The following ADAMTSL1 variants were observed in gnomAD, a reference collection of about 807,000 sequenced individuals.
ADAMTSL1 encodes the protein ADAMTS-like protein 1.
Under a neutral mutation model 201.8 loss-of-function variants are expected in ADAMTSL1, and 126 were observed. The ratio of observed to expected loss-of-function variants is 0.62; its 90% confidence interval spans 0.54 to 0.72. The LOEUF (loss-of-function observed/expected upper bound fraction) is 0.72, where lower values mean the gene tolerates loss of function less well. ADAMTSL1 is among the 30% of genes least tolerant of loss of function. The probability of loss-of-function intolerance (pLI) is 0.00; values close to 1 mark genes in which losing one functional copy is unlikely to be tolerated. For synonymous variants in ADAMTSL1, 1,121 were observed against 903.4 expected (o/e 1.24, Z -4.32); for missense variants, 2,679 against 2,277.8 (o/e 1.18, Z -3.59).
At chr9:18,181,154 T>A (rs1228182414) in intron 2 of ADAMTSL1, among the ~76,000 whole-genome samples, 1 of 152,154 alleles carries the variant, frequency 6.6e-6, no homozygotes. Context: ...ATTAAAGACT[T>A]AAATGTTAGA....
intron 25 of ADAMTSL1, among the ~76,000 whole-genome samples, chr9:18,891,363 A>G (rs772876478): frequency 8.8e-5 from 13 of 148,070 alleles, no homozygotes; most frequent in Non-Finnish European, 1.6e-4. Context: ...TTTCTCCATC[A>G]CTAAAACCAA....
At chr9:18,737,975 G>A (rs1818614702) in intron 15 of ADAMTSL1, among the ~76,000 whole-genome samples, 1 of 152,130 alleles carries the variant, frequency 6.6e-6, no homozygotes, top group African/African-American at 2.4e-5. Context: ...GTCCTCATTT[G>A]CTTATCTATA....
chr9:18,183,418 A>T (rs1309449764), intron 2 of ADAMTSL1, among the ~76,000 whole-genome samples: 2 of 152,204 alleles, frequency 1.3e-5, no homozygotes, highest in Non-Finnish European at 2.9e-5. Context: ...GTAAAAGATA[A>T]TGTCAAGATA....
At chr9:18,238,075 A>G (rs1231071701) in intron 2 of ADAMTSL1, among the ~76,000 whole-genome samples, 1 of 152,196 alleles carries the variant, frequency 6.6e-6, no homozygotes, top group African/African-American at 2.4e-5. Flanking sequence ...TCTCTTAAGA[A>G]AGCCACTTTT....
At chr9:18,343,034 GT>G (rs570325309) in intron 2 of ADAMTSL1, among the ~76,000 whole-genome samples, 21 of 145,608 alleles carry the variant, frequency 1.4e-4, no homozygotes, top group East Asian at 4.0e-4. Flanking sequence ...TTTTTGTTTT[GT>G]TTTTTTTTTG....
chr9:18,797,165 C>T (rs1461210421), intron 20 of ADAMTSL1, among the ~76,000 whole-genome samples: 1 of 152,200 alleles, frequency 6.6e-6, no homozygotes, highest in Non-Finnish European at 1.5e-5. Context: ...GAGGGGCTGC[C>T]TGGTGAAGTA....
chr9:18,247,014 A>G (rs1430311633), intron 2 of ADAMTSL1, among the ~76,000 whole-genome samples: 1 of 152,186 alleles, frequency 6.6e-6, no homozygotes, highest in Non-Finnish European at 1.5e-5. Context: ...TACATTTTCT[A>G]CAGAATCTAG....
chr9:18,676,025 G>C, intron 10 of ADAMTSL1, 118 bp downstream of exon 10: 9 of 1,021,404 alleles, frequency 8.8e-6, no homozygotes, highest in Non-Finnish European at 1.3e-5. Flanking sequence ...TAAGATGGTA[G>C]ATGGTATATT....
At chr9:18,598,242 AT>A in intron 4 of ADAMTSL1, among the ~76,000 whole-genome samples, 1 of 152,244 alleles carries the variant, frequency 6.6e-6, no homozygotes, top group African/African-American at 2.4e-5. Flanking sequence ...GTTTTATTTT[AT>A]TTTATATGAA....
At chr9:18,010,933 ATTAT>A (rs1456063326) in intron 1 of ADAMTSL1, among the ~76,000 whole-genome samples, 3 of 152,008 alleles carry the variant, frequency 2.0e-5, no homozygotes, top group East Asian at 3.9e-4. Context: ...TAATTATAGA[ATTAT>A]TTTTTATTTG....
intron 2 of ADAMTSL1, among the ~76,000 whole-genome samples, chr9:18,424,181 A>T (rs1421856163): frequency 6.6e-6 from 1 of 152,252 alleles, no homozygotes; most frequent in Non-Finnish European, 1.5e-5. Flanking sequence ...GTAGACAAGA[A>T]GCTGAACTAT....
At chr9:17,954,060 G>T (rs1439433011) in intron 1 of ADAMTSL1, among the ~76,000 whole-genome samples, 2 of 151,778 alleles carry the variant, frequency 1.3e-5, no homozygotes, top group African/African-American at 2.4e-5. Context: ...AAGGTCTGGG[G>T]CTGGCTGAGG....
intron 23 of ADAMTSL1, among the ~76,000 whole-genome samples, chr9:18,885,905 T>A (rs1215986741): frequency 6.6e-6 from 1 of 152,028 alleles, no homozygotes; most frequent in Non-Finnish European, 1.5e-5. Context: ...TCTAGGCCTC[T>A]GTTTCTTCCT....
At chr9:18,098,462 T>C (rs1488103226) in intron 1 of ADAMTSL1, among the ~76,000 whole-genome samples, 1 of 152,230 alleles carries the variant, frequency 6.6e-6, no homozygotes, top group African/African-American at 2.4e-5. Flanking sequence ...GAGAACTCTT[T>C]TGTTAAATTT....
At chr9:17,944,573 G>T (rs1373027921) in intron 1 of ADAMTSL1, among the ~76,000 whole-genome samples, 1 of 148,718 alleles carries the variant, frequency 6.7e-6, no homozygotes, top group South Asian at 2.2e-4. Context: ...TATACTACAA[G>T]GCTACAGTAA....
chr9:18,026,969 C>T (rs911863375), intron 1 of ADAMTSL1, among the ~76,000 whole-genome samples: 1 of 151,988 alleles, frequency 6.6e-6, no homozygotes. Context: ...TTACCCATTT[C>T]CTCTAGATTT....
At chr9:18,221,411 T>C (rs1190468751) in intron 2 of ADAMTSL1, among the ~76,000 whole-genome samples, 1 of 152,228 alleles carries the variant, frequency 6.6e-6, no homozygotes, top group Admixed American at 6.5e-5. Flanking sequence ...TCTCTTATTC[T>C]AGGATGCCTG....
chr9:18,295,422 T>C (rs1372702644), intron 2 of ADAMTSL1, among the ~76,000 whole-genome samples: 1 of 151,730 alleles, frequency 6.6e-6, no homozygotes, highest in Non-Finnish European at 1.5e-5. Context: ...CACTGCAACC[T>C]CAGCCTCCTG....
At chr9:18,576,297 G>C (rs1412084525) in intron 4 of ADAMTSL1, among the ~76,000 whole-genome samples, 1 of 152,114 alleles carries the variant, frequency 6.6e-6, no homozygotes, top group Non-Finnish European at 1.5e-5. Context: ...ATTTAGTTTG[G>C]CTGGAGAGCC....
Sources: allele counts gnomAD v4.1 joint callset (sites outside exome capture counted in the v4.1 genomes callset), GRCh38; gene constraint gnomAD v4.1.1; transcripts MANE v1.5; gene names NCBI Gene and HGNC (gene_info 2026-07-23, HGNC 2026-07-21).